The following STX8 variants were observed in gnomAD, a reference collection of about 807,000 sequenced individuals.
STX8 encodes the protein syntaxin-8.
Under a neutral mutation model 37.5 loss-of-function variants are expected in STX8, and 23 were observed. The ratio of observed to expected loss-of-function variants is 0.61; its 90% CI spans 0.44 to 0.87. STX8 has a LOEUF of 0.87. STX8 is among the 40% of genes least tolerant of loss of function. The probability of loss-of-function intolerance (pLI) is 0.00; values close to 1 mark genes in which losing one functional copy is unlikely to be tolerated. For missense variants in STX8, 313 were observed against 284.7 expected (o/e 1.10, Z -0.71); for synonymous variants, 115 against 99.1 (o/e 1.16, Z -0.95).
chr17:9,455,326 C>T (rs9894147), intron 6 of STX8, among the ~76,000 whole-genome samples: 28,699 of 151,840 alleles, frequency 0.19, 3,576 homozygotes, highest in East Asian at 0.63. Flanking sequence ...GGTGAAACCC[C>T]GTCTCTACTA....
chr17:9,323,818 A>C (rs1909656132), intron 7 of STX8, among the ~76,000 whole-genome samples: 1 of 152,172 alleles, frequency 6.6e-6, no homozygotes, highest in African/African-American at 2.4e-5. Flanking sequence ...CTGGGCATTC[A>C]AGGAGTTAGG....
In STX8 at chr17:9,288,823, C is replaced by G. The variant is rs116322627; in HGVS notation, c.644-38178G>C. Among the ~76,000 whole-genome samples the G allele has an allele frequency of 6.6e-3, 1,005 of 151,776 alleles. 11 individuals are homozygous for G. The highest frequency in any genetic ancestry group is 0.023 in the African/African-American group (955 of 41,408). On this transcript the variant is annotated intron_variant, in intron 7 of 7. Transcript: ENST00000306357. Reference sequence around the variant, plus strand: ...AGGATTAAACTATGAAACCCAATATCCAATTAAGGGGTGCAGCAGAAGGAA... The same window carrying G: ...AGGATTAAACTATGAAACCCAATATGCAATTAAGGGGTGCAGCAGAAGGAA...
At chr17:9,538,242 G>T (rs745698906) in intron 4 of STX8, among the ~76,000 whole-genome samples, 17 of 152,110 alleles carry the variant, frequency 1.1e-4, no homozygotes, top group Non-Finnish European at 2.2e-4. Flanking sequence ...TGTATTTCAG[G>T]GACATACATA....
intron 1 of STX8, among the ~76,000 whole-genome samples, chr17:9,571,384 G>A (rs916586755): frequency 5.9e-5 from 9 of 152,038 alleles, no homozygotes; most frequent in African/African-American, 9.7e-5. Context: ...TCCAATCTGC[G>A]GTAAAGTCCG....
At position 9,326,198 on chromosome 17, in the gene STX8, A is replaced by G. The variant is rs560337603; in HGVS notation, c.643+52354T>C. ...CAGGCTAGAGTGCAGTGGCACGATC[A>G]TGGCTCATTGCAGCCTTGACCTCCT... On this transcript the variant is annotated intron_variant, in intron 7 of 7. Coordinates refer to ENST00000306357, the MANE Select transcript of STX8 (RefSeq NM_004853.3). Among the ~76,000 whole-genome samples, 27 of 151,560 alleles carry G rather than the reference A, an allele frequency of 1.8e-4. No homozygotes were observed. In the East Asian group the frequency reaches 4.5e-3, roughly 25 times the overall value.
chr17:9,307,690 C>T (rs998968006), intron 7 of STX8, among the ~76,000 whole-genome samples: 1 of 152,060 alleles, frequency 6.6e-6, no homozygotes, highest in African/African-American at 2.4e-5. Context: ...CGCGATACCC[C>T]AGAGTATGGC....
intron 4 of STX8, among the ~76,000 whole-genome samples, chr17:9,539,125 G>C (rs898751833): frequency 1.3e-5 from 2 of 152,164 alleles, no homozygotes; most frequent in African/African-American, 4.8e-5. Flanking sequence ...GTAAAACTAA[G>C]ATTCTGTCAC....
chr17:9,398,262 G>T (rs368505706), intron 6 of STX8, among the ~76,000 whole-genome samples: 1 of 152,320 alleles, frequency 6.6e-6, no homozygotes, highest in African/African-American at 2.4e-5. Flanking sequence ...CACATTCACA[G>T]TATGTGACAT....
In STX8 at chr17:9,554,190, G is replaced by A. The variant is rs1906875978; in HGVS notation, c.212+3244C>T. ...CAGGAGAATCGCTTGAACTTGGGAA[G>A]CGGAGGTTGCGGTGAGCCGAGATTG... On this transcript the variant is annotated intron_variant, in intron 3 of 7. Coordinates refer to ENST00000306357, the MANE Select transcript of STX8 (RefSeq NM_004853.3). 3.3e-5 allele frequency: 5 copies of A among 152,586 alleles called. 1 individual carries two copies. In the South Asian group the frequency reaches 1.0e-3, roughly 31 times the overall value. 9.5% of individuals were successfully genotyped at this position (152,586 alleles called of 1,614,324 possible).
chr17:9,464,871 T>G, intron 6 of STX8: 1 of 152,048 alleles, frequency 6.6e-6, no homozygotes, highest in Middle Eastern at 3.1e-3. Context: ...TACAGGCACC[T>G]GCCACCAGGC....
chr17:9,557,455 C>T lies in STX8; in HGVS notation c.191G>A (p.Arg64Lys), dbSNP rs778338284. ...KIALLKDLLL[R>K]AVSTHQITQL... ...ATACATCTGATGTGTTGACACAGCT[C>T]TTAGCAATAAGTCCTTCAAAAGGGC... Residue 64 changes from arginine (R) to lysine (K), a missense_variant, in exon 3 of 8, where the codon AGA becomes AAA. Physicochemically the swap from Arg to Lys is conservative, Grantham distance 26 (BLOSUM62 2). Transcript: ENST00000306357. The T allele has an allele frequency of 1.5e-5, 24 of 1,613,758 alleles. 1 individual carries two copies. The South Asian group carries it at 2.4e-4, about 16-fold the overall frequency.
intron 7 of STX8, among the ~76,000 whole-genome samples, chr17:9,270,200 T>C (rs1907398851): frequency 6.6e-6 from 1 of 152,228 alleles, no homozygotes; most frequent in Non-Finnish European, 1.5e-5. Flanking sequence ...AATATCTTAA[T>C]ACCTGGAATA....
intron 7 of STX8, among the ~76,000 whole-genome samples, chr17:9,346,907 C>T (rs1910553964): frequency 6.6e-6 from 1 of 152,108 alleles, no homozygotes; most frequent in Non-Finnish European, 1.5e-5. Context: ...GTGGGCAGAT[C>T]ACCTGAGGTT....
At chr17:9,369,777 C>CA (rs2142270845) in intron 7 of STX8, among the ~76,000 whole-genome samples, 1 of 149,028 alleles carries the variant, frequency 6.7e-6, no homozygotes, top group African/African-American at 2.5e-5. Context: ...CCTGTAGTCC[C>CA]AGGTACTCAG....
chr17:9,539,315 G>C (rs1906183223), intron 4 of STX8, among the ~76,000 whole-genome samples: 1 of 152,168 alleles, frequency 6.6e-6, no homozygotes, highest in African/African-American at 2.4e-5. Context: ...GGGGAAGAAA[G>C]AGAGGAAAAG....
intron 1 of STX8, among the ~76,000 whole-genome samples, chr17:9,568,951 G>C (rs980276576): frequency 6.6e-6 from 1 of 152,230 alleles, no homozygotes; most frequent in African/African-American, 2.4e-5. Flanking sequence ...TATTTTGAAG[G>C]CTTCGTTAGT....
At chr17:9,458,398 C>T (rs930780263) in intron 6 of STX8, among the ~76,000 whole-genome samples, 1 of 151,312 alleles carries the variant, frequency 6.6e-6, no homozygotes, top group Non-Finnish European at 1.5e-5. Context: ...ATCCGCCCGC[C>T]TTGGCCTCCC....
At chr17:9,363,706 A>C (rs1028592451) in intron 7 of STX8, among the ~76,000 whole-genome samples, 1 of 152,230 alleles carries the variant, frequency 6.6e-6, no homozygotes, top group Non-Finnish European at 1.5e-5. Flanking sequence ...CCACTCTTAG[A>C]AATCATACCT....
At chr17:9,572,330 G>C (rs1422849281) in intron 1 of STX8, among the ~76,000 whole-genome samples, 5 of 152,192 alleles carry the variant, frequency 3.3e-5, no homozygotes, top group African/African-American at 1.2e-4. Flanking sequence ...GACACTGAGG[G>C]AGGTGCCAAT....
Sources: gnomAD v4.1 joint callset for allele counts (sites outside exome capture counted in the v4.1 genomes callset) on GRCh38, gnomAD v4.1.1 for gene constraint, MANE v1.5 for transcripts, NCBI Gene and HGNC (gene_info 2026-07-23, HGNC 2026-07-21) for gene names.